Variants in NAALADL2 observed in about 807,000 individuals in gnomAD.
NAALADL2 encodes N-acetylated alpha-linked acidic dipeptidase like 2, also known as inactive N-acetylated-alpha-linked acidic dipeptidase-like protein 2.
NAALADL2 carries 76 observed loss-of-function variants against 87.2 expected under a neutral mutation model. That is an observed-to-expected ratio of 0.87 (90% CI 0.72 to 1.05). NAALADL2 has a LOEUF of 1.05. Among genes scored for constraint, NAALADL2 ranks in the 50% least tolerant of loss-of-function variants. NAALADL2 has a pLI of 0.00. For missense variants in NAALADL2, 1,089 were observed against 945.8 expected (o/e 1.15, Z -1.99); for synonymous variants, 354 against 331.0 (o/e 1.07, Z -0.75).
chr3:175,487,591 A>G (rs1727476443), intron 9 of NAALADL2: 1 of 453,912 alleles, frequency 2.2e-6, no homozygotes, highest in East Asian at 7.0e-5. Context: ...ATATGAAGAG[A>G]ATTCTTCCTC....
intron 2 of NAALADL2, among the ~76,000 whole-genome samples, chr3:174,586,245 A>G (rs994793572): frequency 2.0e-5 from 3 of 152,204 alleles, no homozygotes; most frequent in Non-Finnish European, 4.4e-5. Flanking sequence ...GATGGTATTC[A>G]GTTGTACAGG....
chr3:175,543,321 AAATG>A (rs1483600783), intron 9 of NAALADL2, among the ~76,000 whole-genome samples: 1 of 152,140 alleles, frequency 6.6e-6, no homozygotes, highest in Non-Finnish European at 1.5e-5. Context: ...CTGCAGTAAA[AAATG>A]AACACCATAT....
chr3:174,549,465 A>G (rs1224377605), intron 1 of NAALADL2, among the ~76,000 whole-genome samples: 4 of 152,220 alleles, frequency 2.6e-5, no homozygotes, highest in Non-Finnish European at 5.9e-5. Flanking sequence ...ACCTGGTGTC[A>G]ATTAAATATG....
At chr3:175,739,280 T>A (rs1412294316) in intron 12 of NAALADL2, among the ~76,000 whole-genome samples, 1 of 152,222 alleles carries the variant, frequency 6.6e-6, no homozygotes, top group Non-Finnish European at 1.5e-5. Context: ...GATCCTTTTG[T>A]GGTTCATATT....
At chr3:174,619,259 A>G (rs2108661115) in intron 2 of NAALADL2, among the ~76,000 whole-genome samples, 1 of 152,078 alleles carries the variant, frequency 6.6e-6, no homozygotes, top group South Asian at 2.1e-4. Flanking sequence ...TTTCATTTAT[A>G]CATTACATTT....
chr3:174,644,433 T>G (rs576266987), intron 2 of NAALADL2, among the ~76,000 whole-genome samples: 14 of 152,318 alleles, frequency 9.2e-5, no homozygotes, highest in Admixed American at 7.2e-4. Flanking sequence ...GTTTTCATGC[T>G]GAGTAGGCTA....
chr3:174,847,949 C>G (rs1366181921), intron 3 of NAALADL2, among the ~76,000 whole-genome samples: 1 of 151,554 alleles, frequency 6.6e-6, no homozygotes, highest in Admixed American at 6.6e-5. Context: ...TTTTTGATCT[C>G]TGCTCTAATA....
At chr3:174,743,936 T>C (rs1484763541) in intron 3 of NAALADL2, among the ~76,000 whole-genome samples, 1 of 151,936 alleles carries the variant, frequency 6.6e-6, no homozygotes, top group Non-Finnish European at 1.5e-5. Flanking sequence ...ACTCCCCTTT[T>C]AGCAGTGTTG....
chr3:174,483,476 T>A (rs75331036), intron 1 of NAALADL2, among the ~76,000 whole-genome samples: 2,798 of 152,096 alleles, frequency 0.018, 83 homozygotes, highest in African/African-American at 0.064. Context: ...TTCTCTCCCT[T>A]GACACATGAG....
chr3:174,716,465 A>G (rs139201338), intron 2 of NAALADL2, among the ~76,000 whole-genome samples: 117 of 152,240 alleles, frequency 7.7e-4, no homozygotes, highest in Non-Finnish European at 1.4e-3. Flanking sequence ...AATACAGTCT[A>G]TATCAGTAAA....
intron 9 of NAALADL2, among the ~76,000 whole-genome samples, chr3:175,554,417 A>G (rs1714931883): frequency 6.6e-6 from 1 of 152,120 alleles, no homozygotes; most frequent in Non-Finnish European, 1.5e-5. Flanking sequence ...TAATAGCTAC[A>G]TAATATATCA....
intron 1 of NAALADL2, among the ~76,000 whole-genome samples, chr3:175,001,772 A>AG (rs1748265412): frequency 6.6e-6 from 1 of 152,180 alleles, no homozygotes; most frequent in African/African-American, 2.4e-5. Flanking sequence ...TTTGTTCATC[A>AG]GAATATAGTA....
intron 4 of NAALADL2, among the ~76,000 whole-genome samples, chr3:175,315,128 T>C (rs866531890): frequency 3.9e-5 from 6 of 152,132 alleles, no homozygotes; most frequent in Non-Finnish European, 7.4e-5. Context: ...TGTAGCTTGA[T>C]GGGAGTTGAC....
At chr3:174,923,836 T>A (rs942029074) in intron 1 of NAALADL2, among the ~76,000 whole-genome samples, 4 of 152,100 alleles carry the variant, frequency 2.6e-5, no homozygotes, top group Non-Finnish European at 5.9e-5. Flanking sequence ...ACTGTAGAGG[T>A]AGAATACAGA....
At chr3:175,604,298 A>ATTTTTTTTTTTTT in intron 10 of NAALADL2, among the ~76,000 whole-genome samples, 1 of 83,546 alleles carries the variant, frequency 1.2e-5, no homozygotes, top group South Asian at 5.2e-4. Flanking sequence ...TGACATTGAA[A>ATTTTTTTTTTTTT]TTTTTTTTTT....
rs182321616 is a variant in NAALADL2 at position 174,605,851 on chromosome 3, G to A, written c.-115+55214G>A. 8.4e-3 allele frequency among the ~76,000 whole-genome samples: 1,272 copies of A among 152,252 alleles called. 11 individuals are homozygous for A. Among genetic ancestry groups the A allele is most frequent in the African/African-American group, 0.026 (1,099 of 41,536 alleles). On this transcript the variant is annotated intron_variant, in intron 2 of 3. Coordinates refer to the NAALADL2 transcript ENST00000434257. ...AGCATGCAGCTGGAGATCTGAGAAC[G>A]GGCAGACTGCCTCCTCAAGTGGGTC...
chr3:174,966,674 A>G (rs1742921534), intron 1 of NAALADL2, among the ~76,000 whole-genome samples: 1 of 152,194 alleles, frequency 6.6e-6, no homozygotes, highest in African/African-American at 2.4e-5. Context: ...CCAGCTTAAT[A>G]CATATGAAAT....
chr3:175,061,990 G>T (rs1369063631), intron 1 of NAALADL2, among the ~76,000 whole-genome samples: 2 of 152,028 alleles, frequency 1.3e-5, no homozygotes, highest in African/African-American at 4.8e-5. Context: ...TGCAAGGGAA[G>T]CCCAGAAGTT....
chr3:174,895,286 C>T (rs1023583893), intron 1 of NAALADL2, among the ~76,000 whole-genome samples: 6 of 150,050 alleles, frequency 4.0e-5, no homozygotes, highest in Non-Finnish European at 7.4e-5. Context: ...AAATTTTAGC[C>T]AGATTAAGAA....
Sources: gnomAD v4.1 joint callset for allele counts (sites outside exome capture counted in the v4.1 genomes callset) on GRCh38, gnomAD v4.1.1 for gene constraint, MANE v1.5 for transcripts, NCBI Gene and HGNC (gene_info 2026-07-23, HGNC 2026-07-21) for gene names.